The following PKHD1 variants were observed in gnomAD, a reference collection of about 807,000 sequenced individuals.
PKHD1 encodes fibrocystin.
PKHD1 carries 291 observed loss-of-function variants against 412.0 expected under a neutral mutation model. The ratio of observed to expected loss-of-function variants is 0.71; its 90% CI spans 0.64 to 0.78. The LOEUF is 0.78. Ranked by LOEUF, PKHD1 falls within the 30% of genes least tolerant of loss-of-function variation. PKHD1 has a pLI of 0.00. For missense variants in PKHD1, 4,825 were observed against 4,950.7 expected (o/e 0.97, Z 0.76); for synonymous variants, 1,777 against 1,821.5 (o/e 0.98, Z 0.62).
Position 52,054,178 on chromosome 6 carries a change from A to G in PKHD1, c.1837-13T>C, listed in dbSNP as rs770603170. 3.7e-5 allele frequency: 59 copies of G among 1,613,212 alleles called. No homozygotes were observed. Among genetic ancestry groups the G allele is most frequent in the Admixed American group, 8.3e-5 (5 of 60,006 alleles). On this transcript the variant is annotated splice_polypyrimidine_tract_variant and intron_variant, in intron 19 of 66. Transcript: ENST00000371117. ...ATGCAAGACACAGCTATGGACACCA[A>G]ATAAGTCCTTCAGTTCTATTAGTGC...
rs543197110 is a variant in PKHD1, at chr6:52,055,080, A to G, written c.1836+507T>C. Among the ~76,000 whole-genome samples, 108 of 152,362 alleles carry G rather than the reference A, an allele frequency of 7.1e-4. 1 individual carries two copies. The highest frequency in any genetic ancestry group is 2.5e-3 in the African/African-American group (103 of 41,590). On this transcript the variant is annotated intron_variant, in intron 19 of 66. Coordinates refer to ENST00000371117, the MANE Select transcript of PKHD1 (RefSeq NM_138694.4). ...ATGCATCAGACAATTCAATCCATCA[A>G]TAATGACAACAACTAGAGTAATAAT...
chr6:51,767,268 A>G (rs531621408), intron 55 of PKHD1, among the ~76,000 whole-genome samples: 1 of 151,186 alleles, frequency 6.6e-6, no homozygotes, highest in East Asian at 1.9e-4. Context: ...TTGGCCTTTT[A>G]TTATATTTAG....
At chr6:51,733,427 C>T (rs1323926227) in intron 60 of PKHD1, among the ~76,000 whole-genome samples, 1 of 151,438 alleles carries the variant, frequency 6.6e-6, no homozygotes, top group East Asian at 1.9e-4. Flanking sequence ...GTAGTCCCAG[C>T]TACTGAGGCT....
intron 57 of PKHD1, among the ~76,000 whole-genome samples, chr6:51,751,476 T>G (rs528503779): frequency 6.6e-6 from 1 of 152,350 alleles, no homozygotes; most frequent in Admixed American, 6.5e-5. Flanking sequence ...TTGACAAATA[T>G]ACTAGTATTA....
chr6:51,885,004 A>G (rs1777984462), intron 45 of PKHD1, among the ~76,000 whole-genome samples: 1 of 152,128 alleles, frequency 6.6e-6, no homozygotes, highest in Admixed American at 6.5e-5. Context: ...TCTTTCTTTT[A>G]TGGGATATAT....
chr6:51,935,537 A>G (rs544133471), intron 36 of PKHD1, among the ~76,000 whole-genome samples: 6 of 152,328 alleles, frequency 3.9e-5, no homozygotes, highest in Non-Finnish European at 5.9e-5. Context: ...TCAGAATTGT[A>G]TCTTTATATC....
chr6:51,632,023 C>T (rs995950402), intron 65 of PKHD1, among the ~76,000 whole-genome samples: 1 of 151,178 alleles, frequency 6.6e-6, no homozygotes, highest in Admixed American at 6.6e-5. Flanking sequence ...TCACTGCAAC[C>T]TCCACCACCA....
chr6:51,848,105 C>T (rs2151630085), intron 49 of PKHD1, 135 bp from the exon 50 acceptor site: 1 of 690,282 alleles, frequency 1.4e-6, no homozygotes, highest in Non-Finnish European at 2.6e-6. Flanking sequence ...ACAATTTAGA[C>T]CCAGATTGTA....
intron 60 of PKHD1, among the ~76,000 whole-genome samples, chr6:51,694,034 T>C (rs547908304): frequency 6.6e-6 from 1 of 152,258 alleles, no homozygotes; most frequent in East Asian, 1.9e-4. Context: ...TAAAGTAGCA[T>C]TGAGTGCTGA....
intron 60 of PKHD1, among the ~76,000 whole-genome samples, chr6:51,716,468 C>T (rs1048551109): frequency 6.6e-6 from 1 of 152,146 alleles, no homozygotes; most frequent in African/African-American, 2.4e-5. Context: ...AAGGGGTGCC[C>T]ATTCTCACTT....
At chr6:52,010,257 C>A in intron 35 of PKHD1, 52 bp downstream of exon 35, 2 of 1,534,102 alleles carry the variant, frequency 1.3e-6, no homozygotes, top group East Asian at 4.5e-5. Flanking sequence ...CACAATATTA[C>A]AAATTTAATT....
intron 24 of PKHD1, 83 bp from the exon 25 acceptor site, chr6:52,045,171 C>T: frequency 3.7e-6 from 5 of 1,341,814 alleles, no homozygotes; most frequent in Non-Finnish European, 5.3e-6. Flanking sequence ...AGTTTTTTCA[C>T]ATTGTGTTTC....
At position 51,687,506 on chromosome 6, in the gene PKHD1, C is replaced by T. The variant is rs545977466; in HGVS notation, c.10157-27537G>A. ...AAATATCCATAGACACCCATCTATT[C>T]AGTGGCCAGCAGGGCCTGAAGCCAT... On this transcript the variant is annotated intron_variant, in intron 60 of 66. Transcript: ENST00000371117. Among the ~76,000 whole-genome samples, 7 of 152,318 alleles carry T rather than the reference C, an allele frequency of 4.6e-5. No homozygotes were observed. The South Asian group carries it at 1.5e-3, about 32-fold the overall frequency.
At chr6:51,705,809 T>TA (rs1189471016) in intron 60 of PKHD1, among the ~76,000 whole-genome samples, 6 of 152,072 alleles carry the variant, frequency 3.9e-5, no homozygotes, top group South Asian at 4.2e-4. Flanking sequence ...AAATAAAAAT[T>TA]AAAAAAAATC....
At chr6:51,851,662 T>A (rs1448251438) in intron 49 of PKHD1, among the ~76,000 whole-genome samples, 1 of 152,216 alleles carries the variant, frequency 6.6e-6, no homozygotes, top group Non-Finnish European at 1.5e-5. Context: ...CAGGAATTTA[T>A]CCATTTCTCC....
At chr6:51,847,069 C>G (rs1583008555) in intron 50 of PKHD1, among the ~76,000 whole-genome samples, 2 of 152,074 alleles carry the variant, frequency 1.3e-5, no homozygotes, top group Admixed American at 1.3e-4. Context: ...AAGCTATCCT[C>G]CCACCTCAGC....
At chr6:51,899,577 A>C (rs1255649899) in intron 43 of PKHD1, among the ~76,000 whole-genome samples, 1 of 150,788 alleles carries the variant, frequency 6.6e-6, no homozygotes, top group Non-Finnish European at 1.5e-5. Flanking sequence ...ATGGGCAAAA[A>C]CTGGAAGCAT....
rs1391772463 is a variant in PKHD1 at position 52,054,151 on chromosome 6, G to C, written c.1851C>G (p.Tyr617Ter). Residue 617 changes from tyrosine to a stop codon, truncating the protein, a stop_gained, in exon 20 of 67, where the codon TAC becomes TAG. Coordinates refer to ENST00000371117, the MANE Select transcript of PKHD1 (RefSeq NM_138694.4). LOFTEE classifies it high-confidence loss of function. The stretch of plus-strand genomic sequence containing the variant: ...TCAGGATCTTGTTCATGTGGCCTTT[G>C]TATGCAAGACACAGCTATGGACACC... Reference protein sequence around the residue: ...LDQYTHLCLAYKGHMNKILKM... With the variant: ...LDQYTHLCLA 1 of 1,613,808 alleles carries C rather than the reference G, an allele frequency of 6.2e-7. No individual in the cohort carries two copies. The highest frequency in any genetic ancestry group is 8.5e-7 in the Non-Finnish European group (1 of 1,179,826).
intron 36 of PKHD1, among the ~76,000 whole-genome samples, chr6:51,941,484 T>G (rs950375184): frequency 2.7e-5 from 4 of 150,400 alleles, no homozygotes; most frequent in Admixed American, 1.3e-4. Flanking sequence ...CTCGATCTCC[T>G]GACCTCATGA....
Sources: allele counts gnomAD v4.1 joint callset (sites outside exome capture counted in the v4.1 genomes callset), GRCh38; gene constraint gnomAD v4.1.1; transcripts MANE v1.5; gene names NCBI Gene and HGNC (gene_info 2026-07-23, HGNC 2026-07-21).